MYH8: variants seen among roughly 807,000 people sequenced by gnomAD.
MYH8 encodes myosin heavy chain 8.
MYH8 carries 168 observed loss-of-function variants against 233.2 expected under a neutral mutation model. The ratio of observed to expected loss-of-function variants is 0.72; its 90% CI spans 0.64 to 0.82. MYH8 has a LOEUF of 0.82. Among genes scored for constraint, MYH8 ranks in the 40% least tolerant of loss-of-function variants. The pLI is 0.00. For synonymous variants in MYH8, 785 were observed against 850.6 expected (o/e 0.92, Z 1.34); for missense variants, 1,995 against 2,327.8 (o/e 0.86, Z 2.94).
Position 10,399,620 on chromosome 17 carries a change from A to C in MYH8, c.3785T>G (p.Leu1262Arg). The change falls in exon 28 of 40, where the codon CTT becomes CGT. Residue 1262 changes from leucine (L) to arginine (R), a missense_variant. Leu to Arg is a moderately radical substitution (Grantham distance 102). This residue lies in a region of MYH8 where 1,498 missense variants were observed against 1,680.9 expected (regional missense o/e 0.89). Coordinates refer to ENST00000403437, the MANE Select transcript of MYH8 (RefSeq NM_002472.3). ...CTGCTGCTCCTCTTCCTTGGTCTTA[A>C]GCTCACTCACTTGATCTTCTAGAGA... ...CRSLEDQVSE[L>R]KTKEEEQQRL... 1 of 1,614,078 alleles carries C rather than the reference A, an allele frequency of 6.2e-7. No homozygotes were observed. The highest frequency in any genetic ancestry group is 1.1e-5 in the South Asian group (1 of 91,074).
Position 10,396,836 on chromosome 17 carries a change from T to A in MYH8, c.4329A>T (p.Ala1443=). 6.2e-7 allele frequency: 1 copy of A among 1,614,254 alleles called. No homozygotes were observed. The highest frequency in any genetic ancestry group is 8.5e-7 in the Non-Finnish European group (1 of 1,180,054). ...LDVERSNAAC[A]ALDKKQRNFD... ...AGTTCCTTTGCTTCTTATCAAGGGC[T>A]GCACAGGCTGCATTAGACCTTTCCA... The change falls in exon 31 of 40, where the codon GCA becomes GCT. Residue 1443 remains alanine (A), a synonymous_variant. Transcript: ENST00000403437. The surrounding 1 kb of genome is among the most constrained non-coding windows in gnomAD (Gnocchi z 4.2).
At chr17:10,413,077 T>C (rs1453793672) in intron 12 of MYH8, among the ~76,000 whole-genome samples, 1 of 152,238 alleles carries the variant, frequency 6.6e-6, no homozygotes, top group Non-Finnish European at 1.5e-5. Context: ...TATTCACTGT[T>C]AGAGAGGGTA....
chr17:10,421,765 G>A (rs1311859866), intron 1 of MYH8, 59 bp from the exon 2 acceptor site: 1 of 152,162 alleles, frequency 6.6e-6, no homozygotes, highest in Non-Finnish European at 1.5e-5. Flanking sequence ...TATAGTTACA[G>A]AATTGTTATT....
At chr17:10,398,315 T>G (rs1352834319) in intron 30 of MYH8, 129 bp downstream of exon 30, 1 of 1,321,284 alleles carries the variant, frequency 7.6e-7, no homozygotes. Context: ...CATGCATACA[T>G]TATATATATA....
At chr17:10,411,797 G>T (rs2072246534) in intron 14 of MYH8, among the ~76,000 whole-genome samples, 1 of 152,134 alleles carries the variant, frequency 6.6e-6, no homozygotes, top group African/African-American at 2.4e-5. Context: ...TGAAAGCAGG[G>T]ACCTGATATA....
intron 9 of MYH8, among the ~76,000 whole-genome samples, 171 bp downstream of exon 9, chr17:10,414,945 G>T (rs2072276014): frequency 6.6e-6 from 1 of 152,178 alleles, no homozygotes; most frequent in African/African-American, 2.4e-5. Context: ...CTGAGATTGA[G>T]ATAAAGGGAG....
chr17:10,419,255 G>T lies in MYH8; in HGVS notation c.211-225C>A, dbSNP rs1469645238. Reference sequence around the variant, plus strand: ...GTATTTTTAGTAGAGACAGGATTTCGCCATGTTGGCCAGGCTGGTCTCGAA... The same window carrying T: ...GTATTTTTAGTAGAGACAGGATTTCTCCATGTTGGCCAGGCTGGTCTCGAA... On this transcript the variant is annotated intron_variant, in intron 3 of 39. Transcript: ENST00000403437. The surrounding 1 kb of genome is among the most constrained non-coding windows in gnomAD (Gnocchi z 4.0). Among the ~76,000 whole-genome samples, 1 of 151,780 alleles carries T rather than the reference G, an allele frequency of 6.6e-6. No homozygotes were observed. The highest frequency in any genetic ancestry group is 2.4e-5 in the African/African-American group (1 of 41,352).
chr17:10,401,282 A>G lies in MYH8; in HGVS notation c.3101T>C (p.Val1034Ala), dbSNP rs200190381. ...TATTTAAAATGTGCTTACATCATCC[A>G]CTTGCTGTTCTAGCTTGGTTTTAGC... Reference protein sequence around the residue: ...TKAKTKLEQQVDDLEGSLEQE... With the variant: ...TKAKTKLEQQADDLEGSLEQE... Residue 1034 changes from valine (V) to alanine (A), a missense_variant, in exon 24 of 40, where the codon GTG becomes GCG. Val to Ala is a moderately conservative substitution (Grantham distance 64). Transcript: ENST00000403437. 2.0e-5 allele frequency: 33 copies of G among 1,614,210 alleles called. 1 individual carries two copies. In the Middle Eastern group the frequency reaches 4.9e-4, roughly 24 times the overall value.
chr17:10,394,178 G>A (rs2142168536), intron 35 of MYH8, 71 bp downstream of exon 35: 2 of 1,580,070 alleles, frequency 1.3e-6, no homozygotes, highest in Non-Finnish European at 1.7e-6. Flanking sequence ...TACAAATTGA[G>A]TACTTTCATG....
Position 10,418,886 on chromosome 17 carries a change from C to A in MYH8, c.354+1G>T. On this transcript the variant is annotated splice_donor_variant, in intron 4 of 39. Coordinates refer to ENST00000403437, the MANE Select transcript of MYH8 (RefSeq NM_002472.3). LOFTEE classifies it high-confidence loss of function. Reference sequence around the variant, plus strand: ...ATAAAAAGGTGTTTACAGACACTCACGTAGATCATCCAGGCTGCATAGCGC... The same window carrying A: ...ATAAAAAGGTGTTTACAGACACTCAAGTAGATCATCCAGGCTGCATAGCGC... 1 of 1,614,024 alleles carries A rather than the reference C, an allele frequency of 6.2e-7. No individual in the cohort carries two copies. Among genetic ancestry groups the A allele is most frequent in the East Asian group, 2.2e-5 (1 of 44,876 alleles).
At chr17:10,391,555 C>T (rs1362788667) in intron 39 of MYH8, among the ~76,000 whole-genome samples, 1 of 152,062 alleles carries the variant, frequency 6.6e-6, no homozygotes, top group Non-Finnish European at 1.5e-5. Flanking sequence ...TGGTGCATGC[C>T]TGTTGTCCCA....
intron 30 of MYH8, among the ~76,000 whole-genome samples, 173 bp downstream of exon 30, chr17:10,398,271 A>G (rs2072097274): frequency 6.6e-6 from 1 of 152,250 alleles, no homozygotes; most frequent in South Asian, 2.1e-4. Context: ...TGATACCAAT[A>G]TAATATTGTT....
intron 17 of MYH8, among the ~76,000 whole-genome samples, chr17:10,407,897 G>A (rs989782808): frequency 2.0e-5 from 3 of 151,230 alleles, no homozygotes; most frequent in African/African-American, 7.3e-5. Context: ...ACCTTGGGTT[G>A]GTGGGTGTTG....
chr17:10,405,096 T>A (rs1004643382), intron 21 of MYH8, among the ~76,000 whole-genome samples: 20 of 152,180 alleles, frequency 1.3e-4, no homozygotes, highest in African/African-American at 3.9e-4. Context: ...AAGTTGCTCC[T>A]CTTATTTTGA....
In MYH8 at chr17:10,415,163, A is replaced by T; in HGVS notation, c.758T>A (p.Ile253Asn). The T allele has an allele frequency of 6.2e-7, 1 of 1,613,236 alleles. No individual in the cohort carries two copies. The highest frequency in any genetic ancestry group is 8.5e-7 in the Non-Finnish European group (1 of 1,179,136). Residue 253 changes from isoleucine (I) to asparagine (N), a missense_variant, in exon 9 of 40, where the codon ATC (isoleucine) becomes AAC (asparagine). Around this residue, in one of 3 missense-constraint regions of MYH8, gnomAD observed 479 missense variants for 600.9 expected, o/e 0.80. Coordinates refer to ENST00000403437, the MANE Select transcript of MYH8 (RefSeq NM_002472.3). This position sits in a 1 kb window ranked among gnomAD's most constrained non-coding sequence, Gnocchi z 4.1. ...NSSRFGKFIR[I>N]HFGTTGKLAS... ...CAGCTTCCCTGTAGTACCAAAGTGG[A>T]TTCTAATGAATTTACCCTTGAAAAG...
chr17:10,413,978 C>T lies in MYH8; in HGVS notation c.1071G>A (p.Gly357=). The T allele has an allele frequency of 6.2e-7, 1 of 1,614,026 alleles. No homozygotes were observed. The highest frequency in any genetic ancestry group is 8.5e-7 in the Non-Finnish European group (1 of 1,179,986). Residue 357 remains glycine, a synonymous_variant, in exon 12 of 40, where the codon GGG becomes GGA. Transcript: ENST00000403437. ...EEKVSIYKLT[G]AVMHYGNMKF... ...TCATGTTCCCATAATGCATCACAGC[C>T]CCTGTGAGTTTATAGATGGACACTT...
Position 10,419,294 on chromosome 17 carries a change from G to C in MYH8, c.211-264C>G, listed in dbSNP as rs1597406351. Reference sequence around the variant, plus strand: ...GCTGGTCTCGAACTCCTGATCTCAGGTGATCCACCTGCCTCAGCCTCCCAA... The same window carrying C: ...GCTGGTCTCGAACTCCTGATCTCAGCTGATCCACCTGCCTCAGCCTCCCAA... On this transcript the variant is annotated intron_variant, in intron 3 of 39. Transcript: ENST00000403437. The surrounding 1 kb of genome is among the most constrained non-coding windows in gnomAD (Gnocchi z 4.0). 6.6e-6 allele frequency among the ~76,000 whole-genome samples: 1 copy of C among 152,262 alleles called. No individual in the cohort carries two copies. Among genetic ancestry groups the C allele is most frequent in the Non-Finnish European group, 1.5e-5 (1 of 68,026 alleles).
rs748510953 is a variant in MYH8 at position 10,406,740 on chromosome 17, G to T, written c.2121C>A (p.Ile707=). 5.0e-6 allele frequency: 8 copies of T among 1,614,036 alleles called. No individual in the cohort carries two copies. The South Asian group carries it at 8.8e-5, about 18-fold the overall frequency. ...RCNGVLEGIR[I]CRKGFPSRIL... is the part of the protein sequence containing the mutation. ...TTCTGCTTGGGAATCCTTTCCTACA[G>T]ATGCGGATGCCTTCCAGCACACCAT... Residue 707 remains isoleucine, a synonymous_variant, in exon 19 of 40, where the codon ATC becomes ATA. Coordinates refer to ENST00000403437, the MANE Select transcript of MYH8 (RefSeq NM_002472.3).
intron 2 of MYH8, 47 bp from the exon 3 acceptor site, chr17:10,420,304 A>T: frequency 6.6e-7 from 1 of 1,510,832 alleles, no homozygotes; most frequent in East Asian, 2.3e-5. Context: ...AGCAGAAGTC[A>T]CAAATGTGAG....
Sources: gnomAD v4.1 joint callset for allele counts (sites outside exome capture counted in the v4.1 genomes callset) on GRCh38, gnomAD v4.1.1 for gene constraint, gnomAD v4.1.1 regional missense constraint, Gnocchi (gnomAD v3.1) non-coding constraint, MANE v1.5 for transcripts, NCBI Gene and HGNC (gene_info 2026-07-23, HGNC 2026-07-21) for gene names.